The following PCSK6 variants were observed in gnomAD, a reference collection of about 807,000 sequenced individuals.
PCSK6 encodes paired basic amino acid cleaving enzyme 4.
A neutral mutation model predicts 123.3 loss-of-function variants in PCSK6; 85 were observed. The observed-to-expected ratio is 0.69, with a 90% CI of 0.58 to 0.83. PCSK6 has a LOEUF of 0.83. PCSK6 is among the 40% of genes least tolerant of loss of function. The pLI, the probability that PCSK6 is intolerant of heterozygous loss-of-function variation, is 0.00. For synonymous variants in PCSK6, 508 were observed against 516.0 expected, an observed-to-expected ratio of 0.98 and a Z score of 0.21; for missense variants, 1,191 against 1,282.3, an observed-to-expected ratio of 0.93 and a Z score of 1.09.
rs187025978 is a variant in PCSK6 at position 101,363,778 on chromosome 15, T to C, written c.1858+2418A>G. 7.9e-3 allele frequency among the ~76,000 whole-genome samples: 1,197 copies of C among 151,332 alleles called. 20 individuals are homozygous for C. Among genetic ancestry groups the C allele is most frequent in the African/African-American group, 0.028 (1,138 of 41,286 alleles). ...CCTAAGAGCTGGGACTACAGGTGCCTGCCACCTTGCCTGGCTAATTTTTTT... is the reference window on the plus strand; with the variant it reads ...CCTAAGAGCTGGGACTACAGGTGCCCGCCACCTTGCCTGGCTAATTTTTTT... On this transcript the variant is annotated intron_variant, in intron 13 of 21. Coordinates refer to ENST00000611716, the MANE Select transcript of PCSK6 (RefSeq NM_002570.5).
At chr15:101,399,421 G>A (rs1366035274) in intron 6 of PCSK6, among the ~76,000 whole-genome samples, 1 of 152,190 alleles carries the variant, frequency 6.6e-6, no homozygotes, top group Non-Finnish European at 1.5e-5. Context: ...CTCCATTTGG[G>A]TTTGGGTTCT....
At chr15:101,335,517 T>C (rs1263334142) in intron 13 of PCSK6, among the ~76,000 whole-genome samples, 1 of 152,220 alleles carries the variant, frequency 6.6e-6, no homozygotes, top group Non-Finnish European at 1.5e-5. Flanking sequence ...TCCCCGTTTC[T>C]TGTGTATCAT....
intron 2 of PCSK6, among the ~76,000 whole-genome samples, chr15:101,438,044 C>T (rs754010753): frequency 1.3e-5 from 2 of 152,158 alleles, no homozygotes; most frequent in Non-Finnish European, 2.9e-5. Context: ...GGGACAACCA[C>T]GTGAGGATCA....
intron 13 of PCSK6, among the ~76,000 whole-genome samples, chr15:101,340,830 C>T (rs2040586270): frequency 6.6e-6 from 1 of 152,108 alleles, no homozygotes; most frequent in Non-Finnish European, 1.5e-5. Context: ...GTCTTTCCCC[C>T]ACCACCCTTT....
At chr15:101,435,254 T>C (rs531241669) in intron 2 of PCSK6, among the ~76,000 whole-genome samples, 6 of 151,750 alleles carry the variant, frequency 4.0e-5, no homozygotes, top group Non-Finnish European at 8.8e-5. Flanking sequence ...CAGGTTGCAG[T>C]GAGCAGAGAT....
chr15:101,459,993 C>T (rs1443059501), intron 1 of PCSK6, among the ~76,000 whole-genome samples: 11 of 152,154 alleles, frequency 7.2e-5, no homozygotes, highest in Admixed American at 5.9e-4. Flanking sequence ...GAGAGATGTG[C>T]GTTAGGTTCT....
At chr15:101,346,649 A>C (rs1312074410) in intron 13 of PCSK6, 2 of 702,132 alleles carry the variant, frequency 2.8e-6, no homozygotes, top group Non-Finnish European at 4.0e-6. Context: ...GGAATGCCCA[A>C]GCGTACCTCA....
At chr15:101,471,953 A>G (rs1041995199) in intron 1 of PCSK6, among the ~76,000 whole-genome samples, 2 of 152,230 alleles carry the variant, frequency 1.3e-5, no homozygotes, top group African/African-American at 4.8e-5. Context: ...TTGCTGAATA[A>G]AAGAGTGCTC....
chr15:101,313,260 T>A, intron 20 of PCSK6, 116 bp downstream of exon 20: 1 of 1,578,566 alleles, frequency 6.3e-7, no homozygotes, highest in Non-Finnish European at 8.6e-7. Flanking sequence ...CTGTCCACAG[T>A]GGGGTGATGC....
intron 2 of PCSK6, among the ~76,000 whole-genome samples, chr15:101,440,082 T>G (rs2056714114): frequency 1.3e-5 from 2 of 152,220 alleles, no homozygotes. Flanking sequence ...GCCCTTTCAG[T>G]GATTGGTCGA....
chr15:101,319,771 GC>G (rs1270598943), intron 18 of PCSK6, among the ~76,000 whole-genome samples: 1 of 152,216 alleles, frequency 6.6e-6, no homozygotes, highest in Non-Finnish European at 1.5e-5. Flanking sequence ...GCCCAGCCCA[GC>G]CCCATAGGGA....
intron 1 of PCSK6, among the ~76,000 whole-genome samples, chr15:101,469,896 C>T (rs139139311): frequency 6.0e-4 from 91 of 152,350 alleles, no homozygotes; most frequent in African/African-American, 1.9e-3. Flanking sequence ...CCTAGTCTGA[C>T]TCCAAGGCCT....
intron 13 of PCSK6, among the ~76,000 whole-genome samples, chr15:101,358,134 C>T (rs1472521519): frequency 6.6e-6 from 1 of 152,144 alleles, no homozygotes; most frequent in African/African-American, 2.4e-5. Flanking sequence ...TGTGGTCCCT[C>T]CCAGGGCCTG....
At chr15:101,452,084 T>C (rs1278331808) in intron 1 of PCSK6, among the ~76,000 whole-genome samples, 1 of 152,238 alleles carries the variant, frequency 6.6e-6, no homozygotes, top group African/African-American at 2.4e-5. Flanking sequence ...CAAGTTAAGA[T>C]GATTGCACAA....
At chr15:101,472,925 G>A (rs1467663407) in intron 1 of PCSK6, among the ~76,000 whole-genome samples, 1 of 152,190 alleles carries the variant, frequency 6.6e-6, no homozygotes, top group Non-Finnish European at 1.5e-5. Flanking sequence ...GCCCTTCCCT[G>A]GTTGGAAAAG....
intron 1 of PCSK6, among the ~76,000 whole-genome samples, chr15:101,482,487 G>C (rs1246418934): frequency 6.6e-6 from 1 of 152,208 alleles, no homozygotes; most frequent in Non-Finnish European, 1.5e-5. Flanking sequence ...AGCTGCAGAA[G>C]ATCAGAGGAA....
intron 11 of PCSK6, among the ~76,000 whole-genome samples, chr15:101,379,833 C>T (rs2041862715): frequency 1.3e-5 from 2 of 152,210 alleles, no homozygotes; most frequent in Non-Finnish European, 1.5e-5. Flanking sequence ...CAGATGACCC[C>T]GACCTGCAGG....
chr15:101,441,399 C>T (rs763643528), intron 2 of PCSK6, among the ~76,000 whole-genome samples: 45 of 152,076 alleles, frequency 3.0e-4, no homozygotes, highest in Non-Finnish European at 5.1e-4. Context: ...CTGCCTTGCT[C>T]ATGCACAGGT....
intron 13 of PCSK6, among the ~76,000 whole-genome samples, chr15:101,353,576 C>T (rs1005020726): frequency 1.3e-5 from 2 of 152,260 alleles, no homozygotes; most frequent in East Asian, 1.9e-4. Flanking sequence ...CTCAACACCC[C>T]GACCCTGGCT....
Sources: gnomAD v4.1 joint callset for allele counts (sites outside exome capture counted in the v4.1 genomes callset) on GRCh38, gnomAD v4.1.1 for gene constraint, MANE v1.5 for transcripts, NCBI Gene and HGNC (gene_info 2026-07-23, HGNC 2026-07-21) for gene names.